Variants in LAMC3 observed in about 807,000 individuals in gnomAD.
LAMC3 encodes the protein laminin subunit gamma 3.
A neutral mutation model predicts 173.8 loss-of-function variants in LAMC3; 128 were observed. The observed-to-expected ratio is 0.74, with a 90% CI of 0.64 to 0.85. LAMC3 has a LOEUF of 0.85. LAMC3 is among the 40% of genes least tolerant of loss of function. The pLI, the probability that LAMC3 is intolerant of heterozygous loss-of-function variation, is 0.00. For synonymous variants in LAMC3, 897 were observed against 909.1 expected, an observed-to-expected ratio of 0.99 and a Z score of 0.24; for missense variants, 2,022 against 2,156.0, an observed-to-expected ratio of 0.94 and a Z score of 1.23.
chr9:131,069,616 C>G, intron 16 of LAMC3, 56 bp from the exon 17 acceptor site: 1 of 1,546,282 alleles, frequency 6.5e-7, no homozygotes, highest in South Asian at 1.2e-5. Flanking sequence ...CTAAACCCAG[C>G]ACGCACTGCC....
chr9:131,010,499 C>T (rs563299380), intron 1 of LAMC3, among the ~76,000 whole-genome samples: 56 of 152,294 alleles, frequency 3.7e-4, no homozygotes, highest in African/African-American at 1.3e-3. Flanking sequence ...CATCCTAGAC[C>T]AGAACTGTTG....
At chr9:131,047,747 C>A (rs1282833229) in intron 8 of LAMC3, among the ~76,000 whole-genome samples, 1 of 151,456 alleles carries the variant, frequency 6.6e-6, no homozygotes, top group African/African-American at 2.4e-5. Context: ...CCTGTAATCC[C>A]AGCTACTCGG....
chr9:131,065,627 T>G (rs1177091727), intron 13 of LAMC3, among the ~76,000 whole-genome samples: 1 of 152,010 alleles, frequency 6.6e-6, no homozygotes, highest in Non-Finnish European at 1.5e-5. Flanking sequence ...AAAGATAAGG[T>G]GACGATGACA....
At chr9:131,066,740 C>T (rs972812119) in intron 13 of LAMC3, among the ~76,000 whole-genome samples, 9 of 152,118 alleles carry the variant, frequency 5.9e-5, no homozygotes, top group Non-Finnish European at 1.5e-5. Context: ...CCATTGTTGT[C>T]CCCGCTTTAG....
intron 20 of LAMC3, among the ~76,000 whole-genome samples, chr9:131,074,068 T>C (rs1372719414): frequency 6.8e-6 from 1 of 147,934 alleles, no homozygotes; most frequent in Non-Finnish European, 1.5e-5. Flanking sequence ...TGCCTCAGCC[T>C]CCCAAGTAGC....
In LAMC3 at chr9:131,052,958, C is replaced by T. The variant is rs12349966; in HGVS notation, c.1932C>T (p.Ser644=). Residue 644 remains serine, a synonymous_variant, in exon 11 of 28, where the codon AGC becomes AGT. Transcript: ENST00000361069. ...GCCTCCGCGTCAGTCCCGGCCCCAG[C>T]CCTGCCGGTCAGTAAAGACAACCAC... The part of the protein sequence containing the change: ...SLRLRVSPGP[S]PAGPVFLTEV... The T allele has an allele frequency of 0.44, 712,333 of 1,608,202 alleles. 160,266 individuals carry two copies. The highest frequency in any genetic ancestry group is 0.58 in the African/African-American group (43,573 of 74,878).
At chr9:131,034,664 C>T (rs538283907) in intron 3 of LAMC3, among the ~76,000 whole-genome samples, 1 of 152,356 alleles carries the variant, frequency 6.6e-6, no homozygotes, top group East Asian at 1.9e-4. Flanking sequence ...ATGTCCCTCC[C>T]ACCTCTGGTG....
chr9:131,036,049 C>T (rs1174119935), intron 3 of LAMC3, 117 bp from the exon 4 acceptor site: 2 of 1,069,484 alleles, frequency 1.9e-6, no homozygotes. Context: ...TCAGTGAGGG[C>T]CAAGATTGAG....
Position 131,036,930 on chromosome 9 carries a change from C to T in LAMC3, c.976+598C>T, listed in dbSNP as rs183286152. 2.3e-3 allele frequency among the ~76,000 whole-genome samples: 356 copies of T among 152,364 alleles called. 1 individual carries two copies. Among genetic ancestry groups the T allele is most frequent in the African/African-American group, 8.2e-3 (339 of 41,582 alleles). On this transcript the variant is annotated intron_variant, in intron 4 of 27. Coordinates refer to ENST00000361069, the MANE Select transcript of LAMC3 (RefSeq NM_006059.4). ...CTCCAGGCTCTCCATGCACAGCCGCCGTTGCTGGGGGCCAGATCCCAGCTG... is the reference window on the plus strand; with the variant it reads ...CTCCAGGCTCTCCATGCACAGCCGCTGTTGCTGGGGGCCAGATCCCAGCTG...
chr9:131,086,574 A>ATTTTTTTTTTTTTTT (rs1564157417), intron 25 of LAMC3, among the ~76,000 whole-genome samples: 1 of 22,054 alleles, frequency 4.5e-5, no homozygotes, highest in African/African-American at 3.8e-4. Context: ...TGCCTGGCTA[A>ATTTTTTTTTTTTTTT]CTTTTTTTTT....
At chr9:131,025,622 G>A (rs1208865598) in intron 1 of LAMC3, among the ~76,000 whole-genome samples, 2 of 152,116 alleles carry the variant, frequency 1.3e-5, no homozygotes, top group Non-Finnish European at 2.9e-5. Context: ...TCGAGGAGGT[G>A]AGCATGATCA....
At chr9:131,063,989 C>A (rs1184786063) in intron 13 of LAMC3, among the ~76,000 whole-genome samples, 4 of 152,110 alleles carry the variant, frequency 2.6e-5, no homozygotes, top group Non-Finnish European at 5.9e-5. Context: ...CTCACTGCAA[C>A]CTCCACCTCC....
At chr9:131,022,244 A>C (rs967202345) in intron 1 of LAMC3, among the ~76,000 whole-genome samples, 8 of 151,782 alleles carry the variant, frequency 5.3e-5, no homozygotes, top group Non-Finnish European at 1.2e-4. Context: ...ACACACACAC[A>C]TATATATGTA....
chr9:131,057,276 C>T (rs1588155297), intron 12 of LAMC3, 129 bp downstream of exon 12: 1 of 782,334 alleles, frequency 1.3e-6, no homozygotes, highest in East Asian at 2.6e-5. Flanking sequence ...GCAGTGCGGG[C>T]ACTGAGCTTT....
In LAMC3 at chr9:131,032,559, TCTCTCTCTTGCTCTCTC is replaced by T. The variant is rs1366862640; in HGVS notation, c.809+385_809+401del. Among the ~76,000 whole-genome samples the T allele has an allele frequency of 1.6e-3, 211 of 134,378 alleles. 1 individual carries two copies. The highest frequency in any genetic ancestry group is 0.012 in the South Asian group (55 of 4,626). 88.2% of individuals were successfully genotyped at this position (134,378 alleles called of 152,430 possible). A position where few individuals can be genotyped will look rare whatever the true frequency, so the allele number is the denominator to read the frequency against. On this transcript the variant is annotated intron_variant, in intron 3 of 27. Coordinates refer to ENST00000361069, the MANE Select transcript of LAMC3 (RefSeq NM_006059.4). The stretch of plus-strand genomic sequence containing the variant: ...GTCTCTCTCTCTTGCTCTCTCTCGC[TCTCTCTCTTGCTCTCTC>T]TCGCTTGCTCTCTTTCTCACTCGCT...
At position 131,069,857 on chromosome 9, in the gene LAMC3, C is replaced by T. The variant is rs545140781; in HGVS notation, c.3069+7C>T. On this transcript the variant is annotated splice_region_variant and intron_variant, in intron 17 of 27. Transcript: ENST00000361069. ...CGCCCTGGTGAAGGAGGAGGTGAGTCGGCCCAGACCCACTCACCTTTCCAT... is the reference window on the plus strand; with the variant it reads ...CGCCCTGGTGAAGGAGGAGGTGAGTTGGCCCAGACCCACTCACCTTTCCAT... 52 of 1,578,770 alleles carry T rather than the reference C, an allele frequency of 3.3e-5. No homozygotes were observed. In the South Asian group the frequency reaches 5.4e-4, roughly 17 times the overall value.
chr9:131,079,221 C>T lies in LAMC3; in HGVS notation c.3850C>T (p.His1284Tyr). 1 of 1,614,124 alleles carries T rather than the reference C, an allele frequency of 6.2e-7. No individual in the cohort carries two copies. The highest frequency in any genetic ancestry group is 8.5e-7 in the Non-Finnish European group (1 of 1,179,988). Reference sequence around the variant, plus strand: ...GGAGAAGACAGTTGCATCATGGCAGCACATGGCCACTGAGGCTGCCCGAAC... The same window carrying T: ...GGAGAAGACAGTTGCATCATGGCAGTACATGGCCACTGAGGCTGCCCGAAC... ...ALEKTVASWQ[H>Y]MATEAARTLQ... Residue 1284 changes from histidine (H) to tyrosine (Y), a missense_variant, in exon 23 of 28, where the codon CAC becomes TAC. Transcript: ENST00000361069.
At position 131,077,252 on chromosome 9, in the gene LAMC3, C is replaced by A; in HGVS notation, c.3695C>A (p.Ala1232Glu). ...RTAVAEVLPE[A>E]ESVLATVQQV... ...GCTGTGGCAGAGGTGCTGCCTGAAG[C>A]GGAAAGCGTGTTGGCCACCGTGCAG... Residue 1232 changes from alanine (A) to glutamate (E), a missense_variant, in exon 22 of 28, where the codon GCG becomes GAG. Physicochemically the swap from Ala to Glu is moderately radical, Grantham distance 107 (BLOSUM62 -1). Transcript: ENST00000361069. 6.2e-7 allele frequency: 1 copy of A among 1,613,952 alleles called. No individual in the cohort carries two copies. Among genetic ancestry groups the A allele is most frequent in the Non-Finnish European group, 8.5e-7 (1 of 1,180,028 alleles).
chr9:131,046,543 T>TTTTTTTTTTTTGTTTTTTTTTTTTG, intron 8 of LAMC3, among the ~76,000 whole-genome samples: 1 of 134,020 alleles, frequency 7.5e-6, no homozygotes. Flanking sequence ...TTTTTTTTTT[T>TTTTTTTTTTTTGTTTTTTTTTTTTG]TGTACAGACG....
Sources: allele counts gnomAD v4.1 joint callset (sites outside exome capture counted in the v4.1 genomes callset), GRCh38; gene constraint gnomAD v4.1.1; transcripts MANE v1.5; gene names NCBI Gene and HGNC (gene_info 2026-07-23, HGNC 2026-07-21).